Variants in PUS10 observed in about 807,000 individuals in gnomAD.
PUS10 encodes tRNA pseudouridine synthase Pus10.
PUS10 carries 59 observed loss-of-function variants against 75.0 expected under a neutral mutation model. The ratio of observed to expected loss-of-function variants is 0.79; its 90% confidence interval spans 0.64 to 0.98. PUS10 has a LOEUF of 0.98. Among genes scored for constraint, PUS10 ranks in the 50% least tolerant of loss-of-function variants. The pLI, the probability that PUS10 is intolerant of heterozygous loss-of-function variation, is 0.00. For missense variants in PUS10, 650 were observed against 614.4 expected, an observed-to-expected ratio of 1.06 and a Z score of -0.61; for synonymous variants, 219 against 211.6, an observed-to-expected ratio of 1.03 and a Z score of -0.30.
At chr2:60,958,793 G>A (rs1675835725) in intron 11 of PUS10, among the ~76,000 whole-genome samples, 1 of 152,156 alleles carries the variant, frequency 6.6e-6, no homozygotes, top group South Asian at 2.1e-4. Context: ...GGCTGAGGCA[G>A]GAGGATTGCT....
chr2:60,968,632 C>G (rs2104395354), intron 5 of PUS10, among the ~76,000 whole-genome samples: 1 of 151,738 alleles, frequency 6.6e-6, no homozygotes, highest in East Asian at 1.9e-4. Flanking sequence ...AAAGAATATG[C>G]AGATCACTAT....
At chr2:60,961,680 C>T in intron 9 of PUS10, 132 bp from the exon 10 acceptor site, 1 of 739,120 alleles carries the variant, frequency 1.4e-6, no homozygotes, top group East Asian at 2.5e-5. Context: ...CGCAACAATA[C>T]AGGTCTTGCA....
At chr2:61,003,763 C>G (rs1243855374) in intron 4 of PUS10, among the ~76,000 whole-genome samples, 1 of 151,968 alleles carries the variant, frequency 6.6e-6, no homozygotes, top group Non-Finnish European at 1.5e-5. Flanking sequence ...CCAGGCTGGT[C>G]TTGAACTGAC....
chr2:60,952,952 G>A, intron 15 of PUS10, 45 bp downstream of exon 15: 1 of 1,060,306 alleles, frequency 9.4e-7, no homozygotes, highest in Non-Finnish European at 1.5e-6. Flanking sequence ...ATCTTTGATA[G>A]GCAACAGAAA....
At chr2:60,981,429 C>A (rs1026571088) in intron 4 of PUS10, among the ~76,000 whole-genome samples, 1 of 151,632 alleles carries the variant, frequency 6.6e-6, no homozygotes, top group African/African-American at 2.4e-5. Flanking sequence ...ATTACAGGTG[C>A]CCGCCACCAC....
At chr2:60,959,943 C>T (rs921330911) in intron 11 of PUS10, among the ~76,000 whole-genome samples, 1 of 151,876 alleles carries the variant, frequency 6.6e-6, no homozygotes, top group Non-Finnish European at 1.5e-5. Flanking sequence ...CTTTGGGAAG[C>T]CCAGGCAGGA....
At chr2:60,950,328 T>C (rs192595423) in intron 15 of PUS10, among the ~76,000 whole-genome samples, 80 of 152,366 alleles carry the variant, frequency 5.3e-4, no homozygotes, top group African/African-American at 1.9e-3. Context: ...GAGTCATAGA[T>C]ATAGACATAC....
chr2:60,943,191 C>T (rs944038606), intron 17 of PUS10, among the ~76,000 whole-genome samples: 1 of 152,004 alleles, frequency 6.6e-6, no homozygotes, highest in Non-Finnish European at 1.5e-5. Context: ...AGTCTATAAG[C>T]CTATAGTCTT....
At chr2:60,959,677 CT>C (rs1336491495) in intron 11 of PUS10, among the ~76,000 whole-genome samples, 2 of 152,336 alleles carry the variant, frequency 1.3e-5, no homozygotes, top group Non-Finnish European at 2.9e-5. Flanking sequence ...GTGCGCACCA[CT>C]GCACTCGGCA....
chr2:60,967,724 C>T, intron 5 of PUS10, 111 bp from the exon 6 acceptor site: 10 of 684,394 alleles, frequency 1.5e-5, no homozygotes, highest in Non-Finnish European at 2.5e-5. Context: ...TAGTATGTAC[C>T]AGGCACTATT....
intron 4 of PUS10, among the ~76,000 whole-genome samples, chr2:61,003,453 C>A (rs1340598357): frequency 2.0e-5 from 3 of 148,688 alleles, no homozygotes; most frequent in Non-Finnish European, 3.0e-5. Context: ...CAGAACAAGA[C>A]CCTGTCTCAA....
intron 4 of PUS10, among the ~76,000 whole-genome samples, chr2:60,987,018 G>C (rs184531842): frequency 2.0e-5 from 3 of 152,266 alleles, no homozygotes; most frequent in Non-Finnish European, 2.9e-5. Flanking sequence ...TCAGTAATTC[G>C]AAAAATAAAT....
intron 17 of PUS10, among the ~76,000 whole-genome samples, 198 bp downstream of exon 17, chr2:60,944,811 C>G (rs1273681384): frequency 6.6e-6 from 1 of 151,802 alleles, no homozygotes. Context: ...TATATATTTT[C>G]AAGGAACATA....
At chr2:60,971,879 T>C (rs1348466901) in intron 4 of PUS10, among the ~76,000 whole-genome samples, 1 of 144,120 alleles carries the variant, frequency 6.9e-6, no homozygotes, top group Non-Finnish European at 1.5e-5. Flanking sequence ...TTTTTTTTTT[T>C]TTTTTTTTTG....
rs1300712558 is a variant in PUS10 at position 61,006,661 on chromosome 2, T to C, written c.382-18A>G. On this transcript the variant is annotated intron_variant, in intron 3 of 17. Coordinates refer to ENST00000316752, the MANE Select transcript of PUS10 (RefSeq NM_144709.4). ...TGGCACACCTGAAAAAGCATTACAA[T>C]TATGTAAATTCCCAGGAATTGCTGA... is the stretch of plus-strand genomic sequence containing the variant. The C allele has an allele frequency of 6.3e-7, 1 of 1,583,864 alleles. No individual in the cohort carries two copies. The highest frequency in any genetic ancestry group is 1.4e-5 in the African/African-American group (1 of 73,910).
intron 15 of PUS10, among the ~76,000 whole-genome samples, chr2:60,952,513 T>C (rs960888989): frequency 6.6e-6 from 1 of 152,170 alleles, no homozygotes; most frequent in Non-Finnish European, 1.5e-5. Flanking sequence ...GTTTTATTCA[T>C]GTATTTAATC....
chr2:60,991,934 A>C (rs924384634), intron 4 of PUS10, among the ~76,000 whole-genome samples: 3 of 152,188 alleles, frequency 2.0e-5, no homozygotes, highest in Non-Finnish European at 4.4e-5. Flanking sequence ...CCAGACCAAT[A>C]AAGCAGTAAC....
At chr2:61,001,031 C>T (rs531047167) in intron 4 of PUS10, among the ~76,000 whole-genome samples, 1 of 152,296 alleles carries the variant, frequency 6.6e-6, no homozygotes, top group East Asian at 1.9e-4. Context: ...TACCTCTTTT[C>T]GGCAGGAAGA....
At chr2:60,977,668 T>A (rs1005618985) in intron 4 of PUS10, among the ~76,000 whole-genome samples, 1 of 152,148 alleles carries the variant, frequency 6.6e-6, no homozygotes, top group Non-Finnish European at 1.5e-5. Flanking sequence ...TCCAGAAAAA[T>A]GAGAGAATGT....
Sources: gnomAD v4.1 joint callset for allele counts (sites outside exome capture counted in the v4.1 genomes callset) on GRCh38, gnomAD v4.1.1 for gene constraint, MANE v1.5 for transcripts, NCBI Gene and HGNC (gene_info 2026-07-23, HGNC 2026-07-21) for gene names.